Variants in PRH1 observed in about 807,000 individuals in gnomAD.
PRH1 encodes proline rich protein HaeIII subfamily 1.
In PRH1, 7 loss-of-function variants were observed where a neutral mutation model predicts 7.9. The ratio of observed to expected loss-of-function variants is 0.89; its 90% CI spans 0.50 to 1.67. The LOEUF (loss-of-function observed/expected upper bound fraction) is 1.67, where lower values mean the gene tolerates loss of function less well. Among genes scored for constraint, PRH1 ranks in the 40% most tolerant of loss-of-function variants. The pLI, the probability that PRH1 is intolerant of heterozygous loss-of-function variation, is 0.00. For synonymous variants in PRH1, 45 were observed against 80.8 expected (o/e 0.56, Z 2.38); for missense variants, 109 against 223.6 (o/e 0.49, Z 3.27).
intron 1 of PRH1, among the ~76,000 whole-genome samples, chr12:11,023,237 A>G (rs553106055): frequency 1.4e-4 from 21 of 152,288 alleles, no homozygotes; most frequent in Non-Finnish European, 3.1e-4. Flanking sequence ...AAACACATAG[A>G]CACACATGCA....
At chr12:11,085,990 C>G (rs1286519193) in intron 1 of PRH1, among the ~76,000 whole-genome samples, 3 of 125,440 alleles carry the variant, frequency 2.4e-5, no homozygotes, top group Admixed American at 8.0e-5. Flanking sequence ...CTACTAAAAG[C>G]ATCCAAGGTT....
intron 2 of PRH1, among the ~76,000 whole-genome samples, chr12:10,958,776 A>C (rs73044211): frequency 0.016 from 2,495 of 152,280 alleles, 43 homozygotes; most frequent in Non-Finnish European, 0.026. Flanking sequence ...TGTTGTTAGC[A>C]TGGGATGAGC....
intron 1 of PRH1, among the ~76,000 whole-genome samples, chr12:11,105,949 T>A (rs1945400504): frequency 1.1e-5 from 1 of 94,812 alleles, no homozygotes; most frequent in Non-Finnish European, 2.5e-5. Flanking sequence ...TTTTTTTTTT[T>A]TTTTTTTTTG....
intron 2 of PRH1, among the ~76,000 whole-genome samples, chr12:10,893,833 G>A (rs903595663): frequency 5.9e-5 from 9 of 151,978 alleles, no homozygotes; most frequent in South Asian, 2.1e-4. Flanking sequence ...TAGAGAGAAC[G>A]TAATTGTTCT....
At chr12:10,890,016 T>C (rs2135791163) in intron 2 of PRH1, among the ~76,000 whole-genome samples, 1 of 152,330 alleles carries the variant, frequency 6.6e-6, no homozygotes, top group Admixed American at 6.5e-5. Flanking sequence ...AATTTCTTGA[T>C]TGTTTCATTC....
chr12:10,967,232 CTTAGAGTTGTATGTAAAGA>C (rs1938550793), intron 2 of PRH1, among the ~76,000 whole-genome samples: 1 of 151,856 alleles, frequency 6.6e-6, no homozygotes, highest in Non-Finnish European at 1.5e-5. Context: ...CTTCAACTCT[CTTAGAGTTGTATGTAAAGA>C]TATATAAATG....
intron 1 of PRH1, among the ~76,000 whole-genome samples, chr12:10,985,513 G>A (rs1045741750): frequency 2.0e-5 from 3 of 152,106 alleles, no homozygotes; most frequent in Non-Finnish European, 4.4e-5. Context: ...TGGTACATAT[G>A]TGTGGTAAAA....
chr12:11,096,118 T>C (rs1945063314), intron 1 of PRH1, among the ~76,000 whole-genome samples: 1 of 115,798 alleles, frequency 8.6e-6, no homozygotes, highest in South Asian at 2.3e-4. Context: ...CTGATATACT[T>C]TATCACTTTT....
At chr12:11,117,460 G>A (rs1018918665), downstream of PRH1, among the ~76,000 whole-genome samples, 13 of 152,132 alleles carry the variant, frequency 8.5e-5, no homozygotes, top group African/African-American at 2.6e-4. Flanking sequence ...TGGATTAGAA[G>A]TATCAACATT....
rs150574909 is a variant in PRH1, at chr12:10,907,724, G to A, written c.-58-23449C>T. On this transcript the variant is annotated intron_variant, in intron 2 of 3. Coordinates refer to the PRH1 transcript ENST00000539853. Reference sequence around the variant, plus strand: ...TGTATACATTGTCAAAACTCTAACTGAAATGTGGACTAACATGTTGCATTT... The same window carrying A: ...TGTATACATTGTCAAAACTCTAACTAAAATGTGGACTAACATGTTGCATTT... Among the ~76,000 whole-genome samples the A allele has an allele frequency of 5.0e-4, 76 of 150,786 alleles. No homozygotes were observed. In the East Asian group the frequency reaches 0.014, roughly 27 times the overall value.
intron 1 of PRH1, among the ~76,000 whole-genome samples, chr12:10,992,888 T>G (rs1940010891): frequency 6.6e-6 from 1 of 152,230 alleles, no homozygotes; most frequent in South Asian, 2.1e-4. Flanking sequence ...TAAGGGACAT[T>G]ACTGTAAGTA....
At chr12:11,103,480 A>C (rs1945316886) in intron 1 of PRH1, among the ~76,000 whole-genome samples, 1 of 150,514 alleles carries the variant, frequency 6.6e-6, no homozygotes, top group Non-Finnish European at 1.5e-5. Context: ...ATAGGTGGGA[A>C]CTGAACAACG....
downstream of PRH1, among the ~76,000 whole-genome samples, chr12:11,117,418 C>T (rs1400338165): frequency 6.6e-6 from 1 of 151,732 alleles, no homozygotes; most frequent in East Asian, 1.9e-4. Context: ...TGGAAAAGGA[C>T]ACCCAAAAAA....
At chr12:11,029,796 T>A (rs1942095570) in intron 1 of PRH1, among the ~76,000 whole-genome samples, 1 of 152,190 alleles carries the variant, frequency 6.6e-6, no homozygotes, top group Admixed American at 6.5e-5. Context: ...TGCTTCTCAC[T>A]CAAATTCTAC....
intron 2 of PRH1, chr12:10,938,290 C>T (rs368519628): frequency 9.3e-6 from 15 of 1,610,120 alleles, no homozygotes; most frequent in South Asian, 1.1e-5. Context: ...GACCTGAGGG[C>T]TCCCCATCTT....
intron 1 of PRH1, among the ~76,000 whole-genome samples, chr12:11,110,683 C>A (rs1252251226): frequency 6.6e-6 from 1 of 152,306 alleles, no homozygotes; most frequent in East Asian, 1.9e-4. Flanking sequence ...AAACCAGTAC[C>A]AGCCACTTCA....
chr12:11,017,617 T>TGG (rs1264614202), intron 1 of PRH1, among the ~76,000 whole-genome samples: 1 of 152,036 alleles, frequency 6.6e-6, no homozygotes, highest in Non-Finnish European at 1.5e-5. Context: ...CCTGAGTAGC[T>TGG]GGGTTTACGG....
At chr12:11,165,212 T>C (rs1410582146) in intron 1 of PRH1, among the ~76,000 whole-genome samples, 1 of 152,198 alleles carries the variant, frequency 6.6e-6, no homozygotes, top group Admixed American at 6.5e-5. Context: ...CTTTGCCACT[T>C]TGCATCTCCA....
At chr12:11,120,149 T>A (rs567301782), downstream of PRH1, among the ~76,000 whole-genome samples, 1 of 152,194 alleles carries the variant, frequency 6.6e-6, no homozygotes, top group Non-Finnish European at 1.5e-5. Context: ...GTTAGAACCA[T>A]GGTAGAAACA....
Sources: gnomAD v4.1 joint callset for allele counts (sites outside exome capture counted in the v4.1 genomes callset) on GRCh38, gnomAD v4.1.1 for gene constraint, MANE v1.5 for transcripts, NCBI Gene and HGNC (gene_info 2026-07-23, HGNC 2026-07-21) for gene names.